NMBR: variants seen among roughly 807,000 people sequenced by gnomAD.
NMBR encodes the protein neuromedin B receptor.
In NMBR, 16 loss-of-function variants were observed where a neutral mutation model predicts 20.5. The observed-to-expected ratio is 0.78, with a 90% CI of 0.53 to 1.19. NMBR has a LOEUF of 1.19. Among genes scored for constraint, NMBR ranks in the 50% most tolerant of loss-of-function variants. NMBR has a pLI of 0.00. For synonymous variants in NMBR, 212 were observed against 196.6 expected (o/e 1.08, Z -0.65); for missense variants, 582 against 499.1 (o/e 1.17, Z -1.58).
chr6:142,094,372 T>A (rs954794372), intron 1 of NMBR, among the ~76,000 whole-genome samples: 5 of 152,236 alleles, frequency 3.3e-5, no homozygotes, highest in Non-Finnish European at 5.9e-5. Context: ...TACATATGGC[T>A]GACCAGTTTT....
intron 1 of NMBR, among the ~76,000 whole-genome samples, chr6:142,115,983 C>T (rs1777846161): frequency 6.6e-6 from 1 of 151,788 alleles, no homozygotes; most frequent in East Asian, 1.9e-4. Flanking sequence ...TGGGTCTTTC[C>T]TGCACTGTTC....
At chr6:142,076,074 A>G in intron 3 of NMBR, 25 bp from the exon 4 acceptor site, 1 of 1,536,094 alleles carries the variant, frequency 6.5e-7, no homozygotes, top group Non-Finnish European at 8.7e-7. Flanking sequence ...AATTGATCCC[A>G]TTGGTTAAAG....
rs1474187124 is a variant in NMBR at position 142,105,146 on chromosome 6, AG to A, written c.-663-15826del. Among the ~76,000 whole-genome samples the A allele has an allele frequency of 2.2e-5, 3 of 135,642 alleles. No individual in the cohort carries two copies. In the Admixed American group the frequency reaches 2.4e-4, roughly 11 times the overall value. 89.0% of individuals were successfully genotyped at this position (135,642 alleles called of 152,430 possible). A position where few individuals can be genotyped will look rare whatever the true frequency, so the allele number is the denominator to read the frequency against. Reference sequence around the variant, plus strand: ...AAAGTACATTATCGAAAGGGCGGGGAGGGGGTATTTTCACAAAGTCAGTTGG... The same window carrying A: ...AAAGTACATTATCGAAAGGGCGGGGAGGGGTATTTTCACAAAGTCAGTTGG... On this transcript the variant is annotated intron_variant, in intron 1 of 3. Transcript: ENST00000258042.
At chr6:142,126,655 C>T (rs74388289) in intron 1 of NMBR, among the ~76,000 whole-genome samples, 2,154 of 150,932 alleles carry the variant, frequency 0.014, 58 homozygotes, top group African/African-American at 0.05. Flanking sequence ...TGATAATAAG[C>T]GATGTTGAGC....
Position 142,086,779 on chromosome 6 carries a change from C to A in NMBR, c.422+1458G>T, listed in dbSNP as rs143909653. Among the ~76,000 whole-genome samples, 477 of 152,224 alleles carry A rather than the reference C, an allele frequency of 3.1e-3. 3 individuals carry two copies. In the Middle Eastern group the frequency reaches 0.041, roughly 13 times the overall value. On this transcript the variant is annotated intron_variant, in intron 2 of 3. Transcript: ENST00000258042. Reference sequence around the variant, plus strand: ...TGTAAATGGTCATGTGTCGCCATGACAATAGATTGTAAAAACTGGTGTGAA... The same window carrying A: ...TGTAAATGGTCATGTGTCGCCATGAAAATAGATTGTAAAAACTGGTGTGAA...
intron 2 of NMBR, among the ~76,000 whole-genome samples, chr6:142,086,019 CT>C (rs1406225003): frequency 2.1e-5 from 3 of 143,242 alleles, no homozygotes; most frequent in Non-Finnish European, 4.6e-5. Flanking sequence ...AGCTCCTGTA[CT>C]CTTTTTTTTT....
chr6:142,089,654 T>G (rs1301934992), intron 1 of NMBR, among the ~76,000 whole-genome samples: 3 of 152,206 alleles, frequency 2.0e-5, no homozygotes, highest in African/African-American at 7.2e-5. Context: ...CATACACTCT[T>G]GTGTCTAGGT....
intron 1 of NMBR, among the ~76,000 whole-genome samples, 170 bp downstream of exon 1, chr6:142,146,874 T>C (rs1232728856): frequency 6.6e-6 from 1 of 152,232 alleles, no homozygotes; most frequent in Non-Finnish European, 1.5e-5. Flanking sequence ...TAATGTGGCA[T>C]ATTAACTGGA....
intron 1 of NMBR, among the ~76,000 whole-genome samples, chr6:142,099,117 T>G (rs1416462635): frequency 2.0e-5 from 3 of 152,098 alleles, no homozygotes; most frequent in South Asian, 2.1e-4. Flanking sequence ...GCGAAAGAAA[T>G]GAACCTAGAC....
chr6:142,139,069 G>A (rs1440207066), intron 1 of NMBR, among the ~76,000 whole-genome samples: 1 of 152,092 alleles, frequency 6.6e-6, no homozygotes, highest in Non-Finnish European at 1.5e-5. Flanking sequence ...CTACCCTCCT[G>A]CTGGTTGACT....
intron 3 of NMBR, among the ~76,000 whole-genome samples, chr6:142,077,150 C>A (rs558507661): frequency 2.1e-4 from 32 of 152,236 alleles, no homozygotes; most frequent in Admixed American, 1.7e-3. Flanking sequence ...ACCATGAGTG[C>A]AAGAATGTCA....
At position 142,088,139 on chromosome 6, in the gene NMBR, TTGCGTCCTTC is replaced by T. The variant is rs781441311; in HGVS notation, c.422+88_422+97del. ...CTTCCTCTCCACACCCAACCTTTCCTTGCGTCCTTCTGCCAGTAGGTGCACTCCGGGTGAG... is the reference window on the plus strand; with the variant it reads ...CTTCCTCTCCACACCCAACCTTTCCTTGCCAGTAGGTGCACTCCGGGTGAG... On this transcript the variant is annotated intron_variant, in intron 2 of 3. Coordinates refer to ENST00000258042, the MANE Select transcript of NMBR (RefSeq NM_002511.4). 4,717 of 1,245,602 alleles carry T rather than the reference TTGCGTCCTTC, an allele frequency of 3.8e-3. 18 individuals carry two copies. The highest frequency in any genetic ancestry group is 0.013 in the Middle Eastern group (67 of 5,140). The allele number at this position is 1,245,602 out of a possible 1,614,324, so 77.2% of individuals were successfully genotyped here.
At chr6:142,109,728 T>C (rs1777725901) in intron 1 of NMBR, among the ~76,000 whole-genome samples, 2 of 152,110 alleles carry the variant, frequency 1.3e-5, no homozygotes, top group Non-Finnish European at 2.9e-5. Flanking sequence ...AATTCATACA[T>C]TGAAAACTAA....
intron 1 of NMBR, among the ~76,000 whole-genome samples, chr6:142,119,533 A>G (rs1023858522): frequency 2.6e-5 from 4 of 151,944 alleles, no homozygotes; most frequent in African/African-American, 7.2e-5. Context: ...CTTCAACATA[A>G]CAAATTACCA....
chr6:142,099,808 A>G (rs748969565), intron 1 of NMBR, among the ~76,000 whole-genome samples: 1 of 152,226 alleles, frequency 6.6e-6, no homozygotes, highest in Non-Finnish European at 1.5e-5. Context: ...TACAAGTATC[A>G]CGTAGAACTC....
intron 1 of NMBR, among the ~76,000 whole-genome samples, chr6:142,115,634 T>C (rs1181321361): frequency 1.7e-5 from 2 of 117,688 alleles, no homozygotes; most frequent in Admixed American, 8.2e-5. Flanking sequence ...ACTACACTAG[T>C]GTAGAAGTGG....
chr6:142,109,642 T>A (rs1582851304), intron 1 of NMBR, among the ~76,000 whole-genome samples: 1 of 152,238 alleles, frequency 6.6e-6, no homozygotes, highest in South Asian at 2.1e-4. Context: ...AAACTCACAG[T>A]GAGTTACCAC....
chr6:142,111,155 G>T (rs1222238192), intron 1 of NMBR, among the ~76,000 whole-genome samples: 1 of 151,810 alleles, frequency 6.6e-6, no homozygotes, highest in Non-Finnish European at 1.5e-5. Flanking sequence ...CAGGAGAATT[G>T]CTTGAACCTG....
At chr6:142,097,968 A>G (rs1306732869) in intron 1 of NMBR, among the ~76,000 whole-genome samples, 10 of 152,102 alleles carry the variant, frequency 6.6e-5, no homozygotes, top group Admixed American at 5.9e-4. Flanking sequence ...TAATTTCTCA[A>G]TGTAGTAGTA....
Sources: allele counts gnomAD v4.1 joint callset (sites outside exome capture counted in the v4.1 genomes callset), GRCh38; gene constraint gnomAD v4.1.1; transcripts MANE v1.5; gene names NCBI Gene and HGNC (gene_info 2026-07-23, HGNC 2026-07-21).